The following ARHGEF12 variants were observed in gnomAD, a reference collection of about 807,000 sequenced individuals.
ARHGEF12 encodes the protein Rho guanine nucleotide exchange factor 12.
ARHGEF12 carries 66 observed loss-of-function variants against 211.2 expected under a neutral mutation model. The observed-to-expected ratio is 0.31, with a 90% CI of 0.26 to 0.38. The LOEUF (loss-of-function observed/expected upper bound fraction) is 0.38, where lower values mean the gene tolerates loss of function less well. ARHGEF12 is among the 10% of genes least tolerant of loss of function. The pLI, the probability that ARHGEF12 is intolerant of heterozygous loss-of-function variation, is 1.00. For synonymous variants in ARHGEF12, 592 were observed against 638.4 expected, an observed-to-expected ratio of 0.93 and a Z score of 1.09; for missense variants, 1,429 against 1,869.5, an observed-to-expected ratio of 0.76 and a Z score of 4.34.
chr11:120,447,634 A>G (rs1216176119), intron 18 of ARHGEF12, among the ~76,000 whole-genome samples: 3 of 151,768 alleles, frequency 2.0e-5, no homozygotes, highest in Non-Finnish European at 2.9e-5. Context: ...GCTGGCCAAC[A>G]TGGTGAAACC....
intron 22 of ARHGEF12, 24 bp from the exon 23 acceptor site, chr11:120,457,094 C>T: frequency 6.2e-7 from 1 of 1,611,886 alleles, no homozygotes; most frequent in Non-Finnish European, 8.5e-7. Flanking sequence ...TAACACTCTT[C>T]AAATGTCTGA....
intron 29 of ARHGEF12, 125 bp downstream of exon 29, chr11:120,467,433 C>CT (rs370225155): frequency 0.11 from 32,399 of 300,798 alleles, 121 homozygotes; most frequent in South Asian, 0.16. Flanking sequence ...ACAAGATTTT[C>CT]TTTTTTTTTT....
intron 1 of ARHGEF12, among the ~76,000 whole-genome samples, chr11:120,374,016 AGGTT>A (rs1253024407): frequency 1.3e-5 from 2 of 152,184 alleles, no homozygotes; most frequent in African/African-American, 4.8e-5. Context: ...CGTGTTAGTC[AGGTT>A]GGGCTCGAAC....
At chr11:120,464,156 A>T (rs1377906504) in intron 27 of ARHGEF12, 1 of 152,264 alleles carries the variant, frequency 6.6e-6, no homozygotes, top group African/African-American at 2.4e-5. Flanking sequence ...GTTTCAACAC[A>T]GAAAACTTAC....
At chr11:120,461,245 A>AT (rs1565499794) in intron 27 of ARHGEF12, among the ~76,000 whole-genome samples, 4 of 152,228 alleles carry the variant, frequency 2.6e-5, no homozygotes, top group Admixed American at 2.6e-4. Context: ...TTTCTTAAAT[A>AT]ATAAGACTTG....
chr11:120,440,083 TGACCAC>T (rs1250620615), intron 12 of ARHGEF12, 40 bp from the exon 13 acceptor site: 2 of 1,364,924 alleles, frequency 1.5e-6, no homozygotes, highest in African/African-American at 2.9e-5. Context: ...TTTCTAAATT[TGACCAC>T]CAGGTAATTT....
intron 1 of ARHGEF12, among the ~76,000 whole-genome samples, chr11:120,353,553 T>C (rs2135320986): frequency 6.6e-6 from 1 of 152,312 alleles, no homozygotes; most frequent in African/African-American, 2.4e-5. Context: ...ACAGCCTCCC[T>C]GATCTCGCTG....
Position 120,336,796 on chromosome 11 carries a change from A to C in ARHGEF12, c.-448A>C. 1 of 298,818 alleles carries C rather than the reference A, an allele frequency of 3.3e-6. No homozygotes were observed. Among genetic ancestry groups the C allele is most frequent in the East Asian group, 5.1e-5 (1 of 19,796 alleles). The allele number at this position is 298,818 out of a possible 1,614,324, so 18.5% of individuals were successfully genotyped here. Reference sequence around the variant, plus strand: ...CCACGAGCAGCCGGCAGCCCCAGATAGAGAGCCGGGAGGGAGGGCCCCGGC... The same window carrying C: ...CCACGAGCAGCCGGCAGCCCCAGATCGAGAGCCGGGAGGGAGGGCCCCGGC... On this transcript the variant is annotated 5_prime_UTR_variant, in exon 1 of 41. It removes the in-frame stop codon of an upstream open reading frame in the 5' UTR. Coordinates refer to ENST00000397843, the MANE Select transcript of ARHGEF12 (RefSeq NM_015313.3).
intron 30 of ARHGEF12, among the ~76,000 whole-genome samples, chr11:120,472,139 G>A (rs1946886529): frequency 6.6e-6 from 1 of 151,862 alleles, no homozygotes; most frequent in East Asian, 1.9e-4. Flanking sequence ...ACACACACAC[G>A]TGGGGGAATA....
At chr11:120,443,293 T>C (rs1303897426) in intron 15 of ARHGEF12, among the ~76,000 whole-genome samples, 1 of 152,158 alleles carries the variant, frequency 6.6e-6, no homozygotes, top group African/African-American at 2.4e-5. Context: ...GTGCTGCGAT[T>C]ACAGGCATGA....
At position 120,476,750 on chromosome 11, in the gene ARHGEF12, T is replaced by C; in HGVS notation, c.3365+2T>C. On this transcript the variant is annotated splice_donor_variant, in intron 34 of 40. Transcript: ENST00000397843. LOFTEE classifies it high-confidence loss of function. ...ACAGACAGTTTCTGAAAAGACTGTG[T>C]ATGTATCAGATATGGCTACCTTGCT... is the stretch of plus-strand genomic sequence containing the variant. 1 of 1,604,518 alleles carries C rather than the reference T, an allele frequency of 6.2e-7. No individual in the cohort carries two copies. Among genetic ancestry groups the C allele is most frequent in the Non-Finnish European group, 8.5e-7 (1 of 1,172,974 alleles).
chr11:120,367,353 C>CT (rs1025919456), intron 1 of ARHGEF12, among the ~76,000 whole-genome samples: 5,863 of 59,168 alleles, frequency 0.099, 1,658 homozygotes, highest in African/African-American at 0.12. Context: ...ATACTTTTTC[C>CT]TTTTTTTTTT....
In ARHGEF12 at chr11:120,480,424, A is replaced by G; in HGVS notation, c.4231A>G (p.Ile1411Val). 6.2e-7 allele frequency: 1 copy of G among 1,605,296 alleles called. No homozygotes were observed. Among genetic ancestry groups the G allele is most frequent in the Non-Finnish European group, 8.5e-7 (1 of 1,174,926 alleles). ...NKEEKDVNLR[I>V]SGNYLILDGY... is the part of the protein sequence containing the mutation. ...GGAAGAGAAGGATGTTAATTTACGC[A>G]TCTCAGGCAAGTATCTTTCACACTT... Residue 1411 changes from isoleucine (I) to valine (V), a missense_variant, in exon 38 of 41, where the codon ATC (isoleucine) becomes GTC (valine). Transcript: ENST00000397843.
intron 30 of ARHGEF12, among the ~76,000 whole-genome samples, chr11:120,472,486 T>C (rs1946897381): frequency 6.6e-6 from 1 of 152,074 alleles, no homozygotes; most frequent in Admixed American, 6.5e-5. Context: ...ATGATTTACA[T>C]ATTCAGAAAA....
At chr11:120,442,459 T>C (rs1376753501) in intron 15 of ARHGEF12, among the ~76,000 whole-genome samples, 2 of 144,000 alleles carry the variant, frequency 1.4e-5, no homozygotes, top group South Asian at 2.1e-4. Context: ...CACACACATA[T>C]ATATACACAC....
intron 40 of ARHGEF12, 45 bp downstream of exon 40, chr11:120,484,552 C>A: frequency 6.8e-7 from 1 of 1,470,218 alleles, no homozygotes; most frequent in Non-Finnish European, 9.4e-7. Flanking sequence ...AATCATCCTA[C>A]ACTGAATGAA....
chr11:120,408,031 A>G (rs1005018887), intron 3 of ARHGEF12: 7 of 448,752 alleles, frequency 1.6e-5, no homozygotes, highest in African/African-American at 2.0e-5. Context: ...CTACAGAAGT[A>G]TCATTGTAGA....
intron 36 of ARHGEF12, 42 bp from the exon 37 acceptor site, chr11:120,478,114 C>A: frequency 7.4e-7 from 1 of 1,360,518 alleles, no homozygotes; most frequent in Non-Finnish European, 1.0e-6. Context: ...AAGTTAAAAG[C>A]TTTGTTTAGA....
chr11:120,448,134 A>G, intron 19 of ARHGEF12, 100 bp from the exon 20 acceptor site: 2 of 927,414 alleles, frequency 2.2e-6, no homozygotes, highest in Non-Finnish European at 3.3e-6. Context: ...GATTTATTTC[A>G]ATAATTCCAA....
Sources: gnomAD v4.1 joint callset for allele counts (sites outside exome capture counted in the v4.1 genomes callset) on GRCh38, gnomAD v4.1.1 for gene constraint, MANE v1.5 for transcripts, NCBI Gene and HGNC (gene_info 2026-07-23, HGNC 2026-07-21) for gene names.